SLC22A23: variants seen among roughly 807,000 people sequenced by gnomAD.
The protein encoded by SLC22A23 is solute carrier family 22 member 23, also known as ion transporter protein.
In SLC22A23, 26 loss-of-function variants were observed where a neutral mutation model predicts 61.0. The ratio of observed to expected loss-of-function variants is 0.43; its 90% CI spans 0.31 to 0.59. The LOEUF (loss-of-function observed/expected upper bound fraction) is 0.59, where lower values mean the gene tolerates loss of function less well. SLC22A23 is among the 20% of genes least tolerant of loss of function. SLC22A23 has a pLI of 0.11. For missense variants in SLC22A23, 796 were observed against 934.7 expected (o/e 0.85, Z 1.94); for synonymous variants, 430 against 413.9 (o/e 1.04, Z -0.47).
At chr6:3,396,367 C>T (rs929782250) in intron 3 of SLC22A23, among the ~76,000 whole-genome samples, 4 of 152,226 alleles carry the variant, frequency 2.6e-5, no homozygotes, top group Non-Finnish European at 5.9e-5. Flanking sequence ...TCGAGACCAT[C>T]CTGACCAACA....
At chr6:3,379,343 T>C (rs1328281300) in intron 3 of SLC22A23, among the ~76,000 whole-genome samples, 1 of 152,224 alleles carries the variant, frequency 6.6e-6, no homozygotes, top group Non-Finnish European at 1.5e-5. Flanking sequence ...TTTTAATGAC[T>C]ATCTATGAAC....
Position 3,415,868 on chromosome 6 carries a change from A to T in SLC22A23, c.655-13T>A, listed in dbSNP as rs1340576374. 2.0e-6 allele frequency: 3 copies of T among 1,518,392 alleles called. No homozygotes were observed. The highest frequency in any genetic ancestry group is 2.7e-6 in the Non-Finnish European group (3 of 1,116,512). The allele number at this position is 1,518,392 out of a possible 1,614,324, so 94.1% of individuals were successfully genotyped here. The stretch of plus-strand genomic sequence containing the variant: ...ACACAAGATCCCACTAGAGAGGGGC[A>T]AATAGAAAATAAATCAGAGAGAAAC... On this transcript the variant is annotated splice_polypyrimidine_tract_variant and intron_variant, in intron 1 of 9. Coordinates refer to ENST00000406686, the MANE Select transcript of SLC22A23 (RefSeq NM_015482.2).
At chr6:3,284,960 C>T (rs1399168226) in intron 8 of SLC22A23, 119 bp downstream of exon 8, 2 of 1,550,228 alleles carry the variant, frequency 1.3e-6, no homozygotes, top group Non-Finnish European at 1.7e-6. Flanking sequence ...AGCTGCAGTT[C>T]TTGGAGGGCA....
rs764985003 is a variant in SLC22A23, at chr6:3,456,279, C to A, written c.281G>T (p.Gly94Val). 9 of 1,551,176 alleles carry A rather than the reference C, an allele frequency of 5.8e-6. No individual in the cohort carries two copies. The African/African-American group carries it at 1.1e-4, about 19-fold the overall frequency. The change falls in exon 1 of 10, where the codon GGC (glycine) becomes GTC (valine). Residue 94 changes from glycine (G) to valine (V), a missense_variant. By Grantham distance (109) the Gly-to-Val change is moderately radical. Coordinates refer to ENST00000406686, the MANE Select transcript of SLC22A23 (RefSeq NM_015482.2). The surrounding 1 kb of genome is among the most constrained non-coding windows in gnomAD (Gnocchi z 7.1). The part of the protein sequence containing the change: ...VLPFLGGLGG[G>V]YQKTLVLLTW... ...GAGCAGCACGAGGGTCTTCTGATAG[C>A]CCCCGCCCAGGCCCCCGAGGAAGGG... is the stretch of plus-strand genomic sequence containing the variant.
intron 6 of SLC22A23, among the ~76,000 whole-genome samples, chr6:3,288,533 C>G (rs999363046): frequency 1.3e-5 from 2 of 152,240 alleles, no homozygotes; most frequent in African/African-American, 2.4e-5. Flanking sequence ...GGGCAATCTC[C>G]TACCTTCTTG....
intron 3 of SLC22A23, among the ~76,000 whole-genome samples, chr6:3,367,140 C>T (rs866618863): frequency 5.9e-5 from 9 of 152,186 alleles, no homozygotes; most frequent in African/African-American, 1.7e-4. Flanking sequence ...AAAGGAAATG[C>T]GAAATGCTCT....
intron 1 of SLC22A23, among the ~76,000 whole-genome samples, chr6:3,449,020 C>T (rs557900029): frequency 2.2e-4 from 34 of 152,350 alleles, no homozygotes; most frequent in Middle Eastern, 6.8e-3. Context: ...GGCTGCTTAA[C>T]AGCTGGCTAG....
chr6:3,289,568 G>T (rs537806426), intron 6 of SLC22A23, among the ~76,000 whole-genome samples, 196 bp downstream of exon 6: 9 of 152,236 alleles, frequency 5.9e-5, no homozygotes, highest in Non-Finnish European at 1.3e-4. Flanking sequence ...TACACGCCTG[G>T]GCTGGGGGGC....
rs1366586322 is a variant in SLC22A23, at chr6:3,271,088, G to T, written c.*1967C>A. On this transcript the variant is annotated 3_prime_UTR_variant, in exon 10 of 10. Transcript: ENST00000406686. ...CATAATGGGGGTTTGTTGACAGGTG[G>T]CTTTATAGCAAGTACTCCAAAAAAG... 1 of 152,374 alleles carries T rather than the reference G, an allele frequency of 6.6e-6. No homozygotes were observed. The highest frequency in any genetic ancestry group is 1.5e-5 in the Non-Finnish European group (1 of 68,080). 9.4% of individuals were successfully genotyped at this position (152,374 alleles called of 1,614,324 possible).
intron 1 of SLC22A23, among the ~76,000 whole-genome samples, chr6:3,429,688 G>A (rs1283522512): frequency 2.0e-5 from 3 of 152,184 alleles, no homozygotes; most frequent in African/African-American, 7.2e-5. Flanking sequence ...GAAACAAAAC[G>A]TGGTGCATGC....
intron 3 of SLC22A23, among the ~76,000 whole-genome samples, chr6:3,359,789 G>A (rs1288866853): frequency 6.6e-6 from 1 of 152,182 alleles, no homozygotes; most frequent in Non-Finnish European, 1.5e-5. Flanking sequence ...CAAAAGGTGG[G>A]AGCAACGCAG....
rs1764203455 is a variant in SLC22A23, at chr6:3,342,440, C to G, written c.914-18438G>C. ...TGAGGCCACTAGGGTTCACGGCTCA[C>G]CTCCTTTGAAACACACACACCTCTT... On this transcript the variant is annotated intron_variant, in intron 3 of 9. Coordinates refer to ENST00000406686, the MANE Select transcript of SLC22A23 (RefSeq NM_015482.2). This position sits in a 1 kb window ranked among gnomAD's most constrained non-coding sequence, Gnocchi z 4.0. Among the ~76,000 whole-genome samples the G allele has an allele frequency of 6.6e-6, 1 of 152,192 alleles. No individual in the cohort carries two copies. Among genetic ancestry groups the G allele is most frequent in the South Asian group, 2.1e-4 (1 of 4,834 alleles).
At chr6:3,369,690 C>A (rs919982805) in intron 3 of SLC22A23, among the ~76,000 whole-genome samples, 81 of 145,014 alleles carry the variant, frequency 5.6e-4, no homozygotes, top group African/African-American at 5.1e-4. Flanking sequence ...GACTCCATCT[C>A]AAAAAAAAAA....
At chr6:3,369,135 T>A (rs921131107) in intron 3 of SLC22A23, among the ~76,000 whole-genome samples, 2 of 152,140 alleles carry the variant, frequency 1.3e-5, no homozygotes, top group African/African-American at 2.4e-5. Flanking sequence ...TCTAGTCTTC[T>A]TCTAGCATTT....
intron 3 of SLC22A23, among the ~76,000 whole-genome samples, chr6:3,356,255 C>G (rs1765095347): frequency 6.6e-6 from 1 of 151,102 alleles, no homozygotes; most frequent in Non-Finnish European, 1.5e-5. Flanking sequence ...GCGTGCCAGC[C>G]CTTGGGATCT....
intron 1 of SLC22A23, among the ~76,000 whole-genome samples, chr6:3,449,256 A>G (rs1240935970): frequency 6.6e-6 from 1 of 152,258 alleles, no homozygotes; most frequent in Non-Finnish European, 1.5e-5. Context: ...CCAGTCTTCC[A>G]GGAATCTTCC....
At chr6:3,371,435 T>C (rs562011106) in intron 3 of SLC22A23, among the ~76,000 whole-genome samples, 1 of 152,364 alleles carries the variant, frequency 6.6e-6, no homozygotes, top group Admixed American at 6.5e-5. Context: ...AGCTTTTGAT[T>C]TTTTTTCTCA....
At chr6:3,363,557 G>A in intron 3 of SLC22A23, among the ~76,000 whole-genome samples, 1 of 152,246 alleles carries the variant, frequency 6.6e-6, no homozygotes, top group East Asian at 1.9e-4. Flanking sequence ...GCTGCCTGCG[G>A]CTGGCCCTGG....
At position 3,269,628 on chromosome 6, in the gene SLC22A23, G is replaced by A. The variant is rs1758346429; in HGVS notation, c.*3427C>T. On this transcript the variant is annotated 3_prime_UTR_variant, in exon 10 of 10. Transcript: ENST00000406686. ...CAGAGAATTCCCACCCACACGTACA[G>A]AAACACAGTTTTTATATTACAACCT... 6.7e-6 allele frequency: 1 copy of A among 150,314 alleles called. No individual in the cohort carries two copies. The highest frequency in any genetic ancestry group is 1.9e-4 in the East Asian group (1 of 5,242). The allele number at this position is 150,314 out of a possible 1,614,324, so 9.3% of individuals were successfully genotyped here.
Sources: gnomAD v4.1 joint callset for allele counts (sites outside exome capture counted in the v4.1 genomes callset) on GRCh38, gnomAD v4.1.1 for gene constraint, Gnocchi (gnomAD v3.1) non-coding constraint, MANE v1.5 for transcripts, NCBI Gene and HGNC (gene_info 2026-07-23, HGNC 2026-07-21) for gene names.